SERGEF: variants seen among roughly 807,000 people sequenced by gnomAD.
SERGEF encodes secretion-regulating guanine nucleotide exchange factor.
Under a neutral mutation model 50.0 loss-of-function variants are expected in SERGEF, and 51 were observed. The observed-to-expected ratio is 1.02, with a 90% confidence interval of 0.81 to 1.29. SERGEF has a LOEUF of 1.29. SERGEF is among the 50% of genes most tolerant of loss of function. The probability of loss-of-function intolerance (pLI) is 0.00; values close to 1 mark genes in which losing one functional copy is unlikely to be tolerated. For synonymous variants in SERGEF, 205 were observed against 212.4 expected (o/e 0.97, Z 0.30); for missense variants, 521 against 557.0 (o/e 0.94, Z 0.65).
chr11:17,807,569 C>A (rs2133831675), intron 10 of SERGEF, among the ~76,000 whole-genome samples: 1 of 152,356 alleles, frequency 6.6e-6, no homozygotes, highest in African/African-American at 2.4e-5. Flanking sequence ...CAACTCCAGC[C>A]CCCAAATTAC....
At chr11:17,926,921 G>A in intron 9 of SERGEF, 1 of 447,822 alleles carries the variant, frequency 2.2e-6, no homozygotes, top group Non-Finnish European at 4.5e-6. Context: ...ACTGCAGACT[G>A]TCTGCTCCTA....
chr11:17,952,984 T>A lies in SERGEF; in HGVS notation c.1011+6486A>T, dbSNP rs146234242. Reference sequence around the variant, plus strand: ...CAAGTTCTTGCCAAGATTCCCCTGTTACTTTACTTTTGCTCCCTTGAGCAC... The same window carrying A: ...CAAGTTCTTGCCAAGATTCCCCTGTAACTTTACTTTTGCTCCCTTGAGCAC... On this transcript the variant is annotated intron_variant, in intron 9 of 10. Coordinates refer to ENST00000265965, the MANE Select transcript of SERGEF (RefSeq NM_012139.4). Among the ~76,000 whole-genome samples the A allele has an allele frequency of 4.1e-4, 63 of 152,260 alleles. 1 individual carries two copies. Among genetic ancestry groups the A allele is most frequent in the Middle Eastern group, 3.4e-3 (1 of 294 alleles).
chr11:17,846,684 A>T (rs1434335625), intron 10 of SERGEF: 2 of 456,264 alleles, frequency 4.4e-6, no homozygotes, highest in Admixed American at 2.3e-5. Flanking sequence ...TGTGATCTTG[A>T]GTATATCTCT....
intron 10 of SERGEF, among the ~76,000 whole-genome samples, chr11:17,796,638 C>T (rs555731904): frequency 1.3e-5 from 2 of 152,322 alleles, no homozygotes; most frequent in African/African-American, 4.8e-5. Context: ...CTAAATAAAT[C>T]TCTTTTCTTT....
intron 8 of SERGEF, among the ~76,000 whole-genome samples, chr11:17,966,388 C>T (rs968137270): frequency 2.0e-5 from 3 of 152,110 alleles, no homozygotes; most frequent in African/African-American, 7.2e-5. Context: ...GGCTGCATGG[C>T]CTTGAACAGG....
chr11:17,931,069 A>G (rs748637296), intron 9 of SERGEF, among the ~76,000 whole-genome samples: 3 of 152,154 alleles, frequency 2.0e-5, no homozygotes, highest in Non-Finnish European at 4.4e-5. Flanking sequence ...AATTTACTAG[A>G]TAATATCATC....
chr11:17,906,773 G>A (rs1423776386), intron 9 of SERGEF, among the ~76,000 whole-genome samples: 1 of 146,034 alleles, frequency 6.8e-6, no homozygotes, highest in Non-Finnish European at 1.5e-5. Flanking sequence ...ACTGTGTCAA[G>A]CAGCCTAATT....
intron 5 of SERGEF, 84 bp downstream of exon 5, chr11:18,000,413 C>T: frequency 1.1e-6 from 1 of 900,452 alleles, no homozygotes; most frequent in South Asian, 1.7e-5. Flanking sequence ...CGAGCCACTG[C>T]ACTCCAGCCT....
chr11:17,974,137 A>G (rs1372354318), intron 8 of SERGEF, among the ~76,000 whole-genome samples: 1 of 152,056 alleles, frequency 6.6e-6, no homozygotes, highest in Non-Finnish European at 1.5e-5. Context: ...CCAGGATGGG[A>G]CGGCCACCTT....
chr11:17,862,819 T>C (rs1164993671), intron 10 of SERGEF, among the ~76,000 whole-genome samples: 1 of 152,168 alleles, frequency 6.6e-6, no homozygotes, highest in Non-Finnish European at 1.5e-5. Context: ...TGCCTGGCCA[T>C]TGTCAAAGCT....
At chr11:17,907,612 G>A (rs1377529090) in intron 9 of SERGEF, among the ~76,000 whole-genome samples, 5 of 152,148 alleles carry the variant, frequency 3.3e-5, no homozygotes, top group Non-Finnish European at 7.3e-5. Flanking sequence ...TCCTCCCCAG[G>A]TACCACTCTT....
At position 17,878,224 on chromosome 11, in the gene SERGEF, A is replaced by G. The variant is rs1851274223; in HGVS notation, c.1032T>C (p.His344=). 3.8e-6 allele frequency: 6 copies of G among 1,573,510 alleles called. No individual in the cohort carries two copies. The highest frequency in any genetic ancestry group is 4.4e-6 in the Non-Finnish European group (5 of 1,148,302). The part of the protein sequence containing the change: ...GATEVSCGSE[H]NLAIIGGVCY... Reference sequence around the variant, plus strand: ...ATTACTTACCAATTATTGCCAAATTATGCTCTGAGCCACAAGAGACCTGTA... The same window carrying G: ...ATTACTTACCAATTATTGCCAAATTGTGCTCTGAGCCACAAGAGACCTGTA... The change falls in exon 10 of 11, where the codon CAT becomes CAC. Residue 344 remains histidine (H), a synonymous_variant. Transcript: ENST00000265965.
chr11:17,799,565 G>A (rs770485177), intron 10 of SERGEF, among the ~76,000 whole-genome samples: 11 of 152,238 alleles, frequency 7.2e-5, no homozygotes, highest in Non-Finnish European at 1.3e-4. Context: ...CACCACCAGA[G>A]CCTCCTTACC....
intron 10 of SERGEF, among the ~76,000 whole-genome samples, chr11:17,848,537 A>G (rs1420797288): frequency 6.6e-6 from 1 of 152,182 alleles, no homozygotes; most frequent in Non-Finnish European, 1.5e-5. Context: ...CTACACTGGA[A>G]AGTATATTTC....
intron 10 of SERGEF, among the ~76,000 whole-genome samples, chr11:17,842,929 C>G (rs1352424344): frequency 6.6e-6 from 1 of 152,188 alleles, no homozygotes; most frequent in Non-Finnish European, 1.5e-5. Flanking sequence ...CTAACGAAAC[C>G]AACGCACAGA....
intron 8 of SERGEF, among the ~76,000 whole-genome samples, chr11:17,972,105 A>T (rs1853259579): frequency 6.6e-6 from 1 of 152,236 alleles, no homozygotes; most frequent in South Asian, 2.1e-4. Context: ...ATGGATGGCA[A>T]AGAAAGTGAT....
rs985047231 is a variant in SERGEF at position 18,012,928 on chromosome 11, G to T, written c.60+23C>A. The T allele has an allele frequency of 7.9e-6, 12 of 1,519,474 alleles. No homozygotes were observed. In the Admixed American group the frequency reaches 2.2e-4, roughly 28 times the overall value. The allele number at this position is 1,519,474 out of a possible 1,614,324, so 94.1% of individuals were successfully genotyped here. ...CTCGGCGCCCCTCAGGGCCTGCACC[G>T]GCCCGGGGGCGGAGTCACGTACCCA... On this transcript the variant is annotated intron_variant, in intron 1 of 10. Coordinates refer to ENST00000265965, the MANE Select transcript of SERGEF (RefSeq NM_012139.4).
intron 10 of SERGEF, among the ~76,000 whole-genome samples, chr11:17,860,605 A>G (rs1850909116): frequency 6.6e-6 from 1 of 152,214 alleles, no homozygotes; most frequent in Non-Finnish European, 1.5e-5. Flanking sequence ...GCCTTTTAGT[A>G]TTTAGAAAAT....
intron 10 of SERGEF, among the ~76,000 whole-genome samples, chr11:17,833,808 G>A (rs1329457713): frequency 6.6e-6 from 1 of 152,106 alleles, no homozygotes; most frequent in Non-Finnish European, 1.5e-5. Flanking sequence ...CCTTTGTTTT[G>A]GCCAATTTCT....
Sources: gnomAD v4.1 joint callset for allele counts (sites outside exome capture counted in the v4.1 genomes callset) on GRCh38, gnomAD v4.1.1 for gene constraint, MANE v1.5 for transcripts, NCBI Gene and HGNC (gene_info 2026-07-23, HGNC 2026-07-21) for gene names.